Variants in TMPRSS15 observed in about 807,000 individuals in gnomAD.
TMPRSS15 encodes the protein enteropeptidase.
A neutral mutation model predicts 125.3 loss-of-function variants in TMPRSS15; 128 were observed. The ratio of observed to expected loss-of-function variants is 1.02; its 90% CI spans 0.89 to 1.18. The LOEUF is 1.18. TMPRSS15 is among the 50% of genes most tolerant of loss of function. TMPRSS15 has a pLI of 0.00. For synonymous variants in TMPRSS15, 446 were observed against 423.2 expected, an observed-to-expected ratio of 1.05 and a Z score of -0.66; for missense variants, 1,283 against 1,212.7, an observed-to-expected ratio of 1.06 and a Z score of -0.86.
intron 16 of TMPRSS15, among the ~76,000 whole-genome samples, chr21:18,323,673 T>G (rs1048659993): frequency 3.3e-5 from 5 of 152,192 alleles, no homozygotes; most frequent in African/African-American, 9.7e-5. Context: ...TTACTTCAGG[T>G]TTTACTATTT....
At position 18,294,366 on chromosome 21, in the gene TMPRSS15, G is replaced by C; in HGVS notation, c.2390C>G (p.Pro797Arg). Reference sequence around the variant, plus strand: ...GCCATAATACAGACCCACAACCCAGGGCCAGGCCCCTTCTTTGGCATTACT... The same window carrying C: ...GCCATAATACAGACCCACAACCCAGCGCCAGGCCCCTTCTTTGGCATTACT... ...GGSNAKEGAWPWVVGLYYGGR... is the reference protein window; with the variant it reads ...GGSNAKEGAWRWVVGLYYGGR... The change falls in exon 21 of 25, where the codon CCC (proline) becomes CGC (arginine). Residue 797 changes from proline (P) to arginine (R), a missense_variant. Physicochemically the swap from Pro to Arg is moderately radical, Grantham distance 103. Coordinates refer to ENST00000284885, the MANE Select transcript of TMPRSS15 (RefSeq NM_002772.3). 1 of 1,614,220 alleles carries C rather than the reference G, an allele frequency of 6.2e-7. No individual in the cohort carries two copies. The highest frequency in any genetic ancestry group is 8.5e-7 in the Non-Finnish European group (1 of 1,180,036).
intron 18 of TMPRSS15, among the ~76,000 whole-genome samples, chr21:18,310,909 A>G (rs1296288510): frequency 6.6e-6 from 1 of 150,892 alleles, no homozygotes; most frequent in Admixed American, 6.7e-5. Context: ...CCTGAAATAA[A>G]TCTATGTTTA....
chr21:18,372,392 C>G, intron 5 of TMPRSS15, 68 bp from the exon 6 acceptor site: 12 of 1,477,738 alleles, frequency 8.1e-6, no homozygotes, highest in Non-Finnish European at 1.0e-5. Flanking sequence ...ATTTAATAGG[C>G]CTTTTTGCCA....
chr21:18,453,380 T>C (rs1293381177), intron 1 of TMPRSS15, among the ~76,000 whole-genome samples: 3 of 152,292 alleles, frequency 2.0e-5, no homozygotes, highest in Admixed American at 6.5e-5. Flanking sequence ...ACAGAACCAA[T>C]AGAATGTGTG....
chr21:18,276,205 C>T (rs1426921515), intron 23 of TMPRSS15, among the ~76,000 whole-genome samples: 2 of 152,182 alleles, frequency 1.3e-5, no homozygotes, highest in Admixed American at 1.3e-4. Flanking sequence ...TGTTCGTGCA[C>T]ACGTGCACGT....
At chr21:18,379,421 A>G (rs953154858) in intron 4 of TMPRSS15, 103 bp from the exon 5 acceptor site, 3 of 477,118 alleles carry the variant, frequency 6.3e-6, no homozygotes, top group African/African-American at 2.0e-5. Flanking sequence ...AAGAATTTTA[A>G]AAGTTATTAC....
At chr21:18,358,242 A>G (rs564455259) in intron 8 of TMPRSS15, among the ~76,000 whole-genome samples, 302 of 151,938 alleles carry the variant, frequency 2.0e-3, no homozygotes, top group African/African-American at 6.6e-3. Context: ...TTCAGCCCTC[A>G]ACCTCTACCA....
chr21:18,300,296 C>T (rs920867148), intron 18 of TMPRSS15, among the ~76,000 whole-genome samples: 7 of 143,350 alleles, frequency 4.9e-5, no homozygotes. Flanking sequence ...CTCTTTCTTT[C>T]TCTCTCTCTC....
At chr21:18,454,794 C>G (rs2123262828) in intron 1 of TMPRSS15, among the ~76,000 whole-genome samples, 1 of 152,286 alleles carries the variant, frequency 6.6e-6, no homozygotes, top group South Asian at 2.1e-4. Flanking sequence ...CTTCTTTACT[C>G]AATCTACTGA....
intron 14 of TMPRSS15, 142 bp from the exon 15 acceptor site, chr21:18,329,436 C>T (rs192186457): frequency 2.8e-6 from 2 of 726,040 alleles, no homozygotes; most frequent in Non-Finnish European, 4.1e-6. Flanking sequence ...CAAGGTGTTT[C>T]TTTTTTCTTT....
rs145231264 is a variant in TMPRSS15, at chr21:18,376,110, C to T, written c.532+3173G>A. Among the ~76,000 whole-genome samples the T allele has an allele frequency of 5.6e-3, 852 of 152,142 alleles. 15 individuals are homozygous for T. The highest frequency in any genetic ancestry group is 0.018 in the African/African-American group (766 of 41,534). On this transcript the variant is annotated intron_variant, in intron 5 of 24. Transcript: ENST00000284885. ...CAGAATCTTCATCCATGAATGTTTG[C>T]CTTTAGAGGCCAGTGTTATTTCACT...
intron 1 of TMPRSS15, among the ~76,000 whole-genome samples, chr21:18,458,476 T>A (rs1978484424): frequency 6.6e-6 from 1 of 152,110 alleles, no homozygotes; most frequent in Non-Finnish European, 1.5e-5. Flanking sequence ...AATTCAGCAA[T>A]GGTTGCTGGA....
At chr21:18,410,175 T>A (rs1164800486) in intron 1 of TMPRSS15, among the ~76,000 whole-genome samples, 1 of 150,654 alleles carries the variant, frequency 6.6e-6, no homozygotes. Flanking sequence ...GGAGTATAAA[T>A]TCACATGAGG....
intron 1 of TMPRSS15, among the ~76,000 whole-genome samples, chr21:18,436,659 G>A (rs1223047202): frequency 6.6e-6 from 1 of 150,844 alleles, no homozygotes; most frequent in East Asian, 1.9e-4. Context: ...GACAAACAGA[G>A]AGCCAAATCA....
At chr21:18,467,198 G>A (rs561869718) in intron 1 of TMPRSS15, among the ~76,000 whole-genome samples, 1 of 152,182 alleles carries the variant, frequency 6.6e-6, no homozygotes, top group Admixed American at 6.5e-5. Flanking sequence ...TCATAAGTGG[G>A]AGCTGAACAA....
At chr21:18,393,036 A>G (rs1243116734) in intron 3 of TMPRSS15, among the ~76,000 whole-genome samples, 2 of 152,142 alleles carry the variant, frequency 1.3e-5, no homozygotes, top group African/African-American at 4.8e-5. Flanking sequence ...GAAAACATAG[A>G]TAAAAGAGAG....
At chr21:18,310,397 G>C (rs2075087733) in intron 18 of TMPRSS15, among the ~76,000 whole-genome samples, 1 of 151,868 alleles carries the variant, frequency 6.6e-6, no homozygotes. Context: ...AATCATTACA[G>C]TTTCTTTACA....
intron 1 of TMPRSS15, among the ~76,000 whole-genome samples, chr21:18,412,479 T>C (rs1274927167): frequency 6.6e-6 from 1 of 152,236 alleles, no homozygotes; most frequent in East Asian, 1.9e-4. Context: ...CTGACATGGT[T>C]TGGACCTCTA....
chr21:18,274,017 A>G (rs1166187905), intron 24 of TMPRSS15, among the ~76,000 whole-genome samples: 1 of 152,236 alleles, frequency 6.6e-6, no homozygotes, highest in Admixed American at 6.5e-5. Context: ...ACTTTAACAC[A>G]GTGAAACCAT....
Sources: gnomAD v4.1 joint callset for allele counts (sites outside exome capture counted in the v4.1 genomes callset) on GRCh38, gnomAD v4.1.1 for gene constraint, MANE v1.5 for transcripts, NCBI Gene and HGNC (gene_info 2026-07-23, HGNC 2026-07-21) for gene names.